PCDHGB1: variants seen among roughly 807,000 people sequenced by gnomAD.
PCDHGB1 encodes protocadherin gamma subfamily B, 1.
A neutral mutation model predicts 56.6 loss-of-function variants in PCDHGB1; 34 were observed. The observed-to-expected ratio is 0.60, with a 90% CI of 0.46 to 0.80. The LOEUF is 0.80. Ranked by LOEUF, PCDHGB1 falls within the 30% of genes least tolerant of loss-of-function variation. The probability of loss-of-function intolerance (pLI) is 0.00; values close to 1 mark genes in which losing one functional copy is unlikely to be tolerated. For synonymous variants in PCDHGB1, 561 were observed against 505.9 expected (o/e 1.11, Z -1.46); for missense variants, 1,278 against 1,204.6 (o/e 1.06, Z -0.90).
In PCDHGB1 at chr5:141,432,536, G is replaced by A. The variant is rs767744134; in HGVS notation, c.2410-62271G>A. 6.2e-7 allele frequency: 1 copy of A among 1,614,050 alleles called. No individual in the cohort carries two copies. Among genetic ancestry groups the A allele is most frequent in the Non-Finnish European group, 8.5e-7 (1 of 1,180,006 alleles). On this transcript the variant is annotated intron_variant, in intron 1 of 3. Coordinates refer to ENST00000523390, the MANE Select transcript of PCDHGB1 (RefSeq NM_018922.3). This position sits in a 1 kb window ranked among gnomAD's most constrained non-coding sequence, Gnocchi z 6.0. ...CGGCTACCTGGTGACCAAGGTGGTG[G>A]CGGTGGACAGAGACTCCGGCCAGAA...
chr5:141,390,099 C>T (rs1252752587), intron 1 of PCDHGB1: 2 of 1,614,052 alleles, frequency 1.2e-6, no homozygotes, highest in Admixed American at 3.3e-5. Context: ...CGTGGTTCCC[C>T]CCAACTACAG....
chr5:141,375,877 G>A lies in PCDHGB1; in HGVS notation c.2409+23208G>A, dbSNP rs752155500. ...AGGTGGTGGCGGTGGACAGAGACTC[G>A]GGCCAGAACGCCTGGCTGTCCTACC... On this transcript the variant is annotated intron_variant, in intron 1 of 3. Transcript: ENST00000523390. 8 of 1,613,676 alleles carry A rather than the reference G, an allele frequency of 5.0e-6. No individual in the cohort carries two copies. In the East Asian group the frequency reaches 1.3e-4, roughly 27 times the overall value.
chr5:141,443,367 C>T (rs1305408862), intron 1 of PCDHGB1, among the ~76,000 whole-genome samples: 1 of 151,712 alleles, frequency 6.6e-6, no homozygotes, highest in African/African-American at 2.4e-5. Flanking sequence ...TGCCTGTGGT[C>T]TCAGCTACTT....
rs2099713635 is a variant in PCDHGB1, at chr5:141,491,418, T to C, written c.2410-3389T>C. The C allele has an allele frequency of 6.2e-7, 1 of 1,613,796 alleles. No individual in the cohort carries two copies. Among genetic ancestry groups the C allele is most frequent in the Non-Finnish European group, 8.5e-7 (1 of 1,179,944 alleles). On this transcript the variant is annotated intron_variant, in intron 1 of 3. Transcript: ENST00000523390. The surrounding 1 kb of genome is among the most constrained non-coding windows in gnomAD (Gnocchi z 6.9). The stretch of plus-strand genomic sequence containing the variant: ...AGGGAAACGCAGACGGGGACGGGGG[T>C]GGAGGGCAGTGCTGCAGGCGCCAGG...
intron 1 of PCDHGB1, chr5:141,372,188 G>A (rs771970227): frequency 1.2e-6 from 2 of 1,613,434 alleles, no homozygotes; most frequent in Admixed American, 1.7e-5. Context: ...ACGCAGACTC[G>A]GGATACAACG....
At chr5:141,500,876 A>G (rs909126749) in intron 2 of PCDHGB1, among the ~76,000 whole-genome samples, 1 of 124,952 alleles carries the variant, frequency 8.0e-6, no homozygotes, top group African/African-American at 3.5e-5. Flanking sequence ...ATTCATTTAC[A>G]ATTTTTTTTT....
At position 141,422,424 on chromosome 5, in the gene PCDHGB1, T is replaced by C. The variant is rs1182660567; in HGVS notation, c.2409+69755T>C. The C allele has an allele frequency of 2.5e-6, 4 of 1,608,076 alleles. No homozygotes were observed. The East Asian group carries it at 6.7e-5, about 27-fold the overall frequency. On this transcript the variant is annotated intron_variant, in intron 1 of 3. Transcript: ENST00000523390. ...TGCCTTTTAAATTAGAAAAGACTTA[T>C]GGAAATTATTACAAATTGATAACAA...
At chr5:141,382,770 C>T in intron 1 of PCDHGB1, 7 of 734,404 alleles carry the variant, frequency 9.5e-6, no homozygotes, top group Non-Finnish European at 1.5e-5. Context: ...TTCCAGGCTG[C>T]ACTAAACTCA....
At chr5:141,359,358 G>A (rs1161332359) in intron 1 of PCDHGB1, among the ~76,000 whole-genome samples, 1 of 151,914 alleles carries the variant, frequency 6.6e-6, no homozygotes, top group East Asian at 1.9e-4. Context: ...TGTTTTAAAG[G>A]CCTAGGAAAG....
intron 1 of PCDHGB1, chr5:141,361,179 T>C: frequency 6.2e-7 from 1 of 1,613,926 alleles, no homozygotes; most frequent in Non-Finnish European, 8.5e-7. Flanking sequence ...CTGAAGTTAT[T>C]GTGACTTCAG....
intron 1 of PCDHGB1, among the ~76,000 whole-genome samples, chr5:141,473,069 A>G (rs552033483): frequency 3.9e-4 from 59 of 152,180 alleles, no homozygotes; most frequent in South Asian, 8.3e-4. Flanking sequence ...AAGTTACAGC[A>G]TCTTTGTTTA....
In PCDHGB1 at chr5:141,477,629, C is replaced by A. The variant is rs1191573380; in HGVS notation, c.2410-17178C>A. The A allele has an allele frequency of 6.2e-7, 1 of 1,614,040 alleles. No individual in the cohort carries two copies. The highest frequency in any genetic ancestry group is 8.5e-7 in the Non-Finnish European group (1 of 1,180,040). ...CTTGGAGCAAGGAGCTGAAACCGGGCTAGTGGGTCGCTATTTCACAATAAA... is the reference window on the plus strand; with the variant it reads ...CTTGGAGCAAGGAGCTGAAACCGGGATAGTGGGTCGCTATTTCACAATAAA... On this transcript the variant is annotated intron_variant, in intron 1 of 3. Coordinates refer to ENST00000523390, the MANE Select transcript of PCDHGB1 (RefSeq NM_018922.3). The surrounding 1 kb of genome is among the most constrained non-coding windows in gnomAD (Gnocchi z 4.9).
Position 141,476,364 on chromosome 5 carries a change from C to T in PCDHGB1, c.2410-18443C>T, listed in dbSNP as rs1462808655. The T allele has an allele frequency of 6.2e-7, 1 of 1,614,036 alleles. No homozygotes were observed. The highest frequency in any genetic ancestry group is 8.5e-7 in the Non-Finnish European group (1 of 1,180,026). Reference sequence around the variant, plus strand: ...AGATTCTTTGAGGTGAACCGGGAGACCGGAGAGATGTTTGTGAACGACCGT... The same window carrying T: ...AGATTCTTTGAGGTGAACCGGGAGATCGGAGAGATGTTTGTGAACGACCGT... On this transcript the variant is annotated intron_variant, in intron 1 of 3. Coordinates refer to ENST00000523390, the MANE Select transcript of PCDHGB1 (RefSeq NM_018922.3). This position sits in a 1 kb window ranked among gnomAD's most constrained non-coding sequence, Gnocchi z 7.6.
chr5:141,442,720 T>C (rs941034636), intron 1 of PCDHGB1, among the ~76,000 whole-genome samples: 1 of 152,202 alleles, frequency 6.6e-6, no homozygotes, highest in Non-Finnish European at 1.5e-5. Flanking sequence ...GCCAGAGCAT[T>C]TGGGGCCTGT....
At chr5:141,354,915 TA>T (rs1175574849) in intron 1 of PCDHGB1, 5 of 411,134 alleles carry the variant, frequency 1.2e-5, no homozygotes, top group African/African-American at 4.1e-5. Context: ...GAAAAGTGTA[TA>T]AAAAATAAAC....
At chr5:141,420,052 C>T (rs535784301) in intron 1 of PCDHGB1, 1 of 1,614,070 alleles carries the variant, frequency 6.2e-7, no homozygotes, top group South Asian at 1.1e-5. Flanking sequence ...AGTCAGTTCT[C>T]TGCTCCAAGT....
At chr5:141,365,039 G>A (rs577848371) in intron 1 of PCDHGB1, 12 of 1,613,840 alleles carry the variant, frequency 7.4e-6, no homozygotes, top group Non-Finnish European at 9.3e-6. Flanking sequence ...CGACGCAAAC[G>A]ACAATGCGCC....
At chr5:141,372,466 A>G in intron 1 of PCDHGB1, 1 of 1,613,906 alleles carries the variant, frequency 6.2e-7, no homozygotes, top group South Asian at 1.1e-5. Context: ...CTACAGTTTC[A>G]CCTAGTAGTG....
At position 141,408,301 on chromosome 5, in the gene PCDHGB1, C is replaced by T. The variant is rs1472435921; in HGVS notation, c.2409+55632C>T. 3.1e-6 allele frequency: 5 copies of T among 1,613,756 alleles called. No individual in the cohort carries two copies. In the Admixed American group the frequency reaches 8.3e-5, roughly 27 times the overall value. ...TCTACCCCACCCTGAGTGAGCCGAT[C>T]CGCTACTCGATTCCGGAGGAGCTGG... On this transcript the variant is annotated intron_variant, in intron 1 of 3. Transcript: ENST00000523390.
Sources: allele counts gnomAD v4.1 joint callset (sites outside exome capture counted in the v4.1 genomes callset), GRCh38; gene constraint gnomAD v4.1.1; non-coding constraint Gnocchi (gnomAD v3.1); transcripts MANE v1.5; gene names NCBI Gene and HGNC (gene_info 2026-07-23, HGNC 2026-07-21).